Variants in FABP12 observed in about 807,000 individuals in gnomAD.
The protein encoded by FABP12 is fatty acid-binding protein 12.
A neutral mutation model predicts 13.7 loss-of-function variants in FABP12; 19 were observed. The observed-to-expected ratio is 1.39, with a 90% CI of 0.97 to 2.04. The LOEUF is 2.04. Ranked by LOEUF, FABP12 falls within the 30% of genes most tolerant of loss-of-function variation. FABP12 has a pLI of 0.00. For missense variants in FABP12, 182 were observed against 164.2 expected (o/e 1.11, Z -0.59); for synonymous variants, 61 against 57.0 (o/e 1.07, Z -0.32).
At chr8:81,561,543 T>C (rs543895221) in intron 1 of FABP12, among the ~76,000 whole-genome samples, 4 of 152,262 alleles carry the variant, frequency 2.6e-5, no homozygotes, top group Non-Finnish European at 4.4e-5. Flanking sequence ...CAGTATCTGG[T>C]TTTAACTTCA....
intron 1 of FABP12, among the ~76,000 whole-genome samples, chr8:81,558,560 T>C (rs1346721779): frequency 6.6e-6 from 1 of 151,956 alleles, no homozygotes; most frequent in Non-Finnish European, 1.5e-5. Context: ...CCCTCAGGGG[T>C]CACATAGCCG....
At chr8:81,584,524 A>G (rs1413040799) in intron 1 of FABP12, among the ~76,000 whole-genome samples, 1 of 152,238 alleles carries the variant, frequency 6.6e-6, no homozygotes, top group African/African-American at 2.4e-5. Context: ...AAGAGCTACT[A>G]GGAATTCACA....
chr8:81,537,246 G>A (rs1585839475), upstream of FABP12, among the ~76,000 whole-genome samples: 1 of 152,122 alleles, frequency 6.6e-6, no homozygotes, highest in Non-Finnish European at 1.5e-5. Flanking sequence ...AGAAAGATAC[G>A]AGAATCAAAA....
At chr8:81,567,361 G>A (rs539022391) in intron 1 of FABP12, among the ~76,000 whole-genome samples, 154 of 152,264 alleles carry the variant, frequency 1.0e-3, no homozygotes, top group African/African-American at 3.7e-3. Flanking sequence ...AAGCAAGCCT[G>A]AGCAAAAAGA....
At chr8:81,575,527 G>A (rs61042753) in intron 1 of FABP12, among the ~76,000 whole-genome samples, 7,347 of 152,200 alleles carry the variant, frequency 0.048, 222 homozygotes, top group East Asian at 0.16. Context: ...CTGTCTTGAT[G>A]ACCTGTCTAG....
intron 1 of FABP12, among the ~76,000 whole-genome samples, chr8:81,575,625 CTT>C (rs1810028069): frequency 6.6e-6 from 1 of 152,144 alleles, no homozygotes; most frequent in Non-Finnish European, 1.5e-5. Flanking sequence ...GTTTTATAAA[CTT>C]GGGAGCTCCA....
At chr8:81,549,405 A>G (rs1241667452) in intron 1 of FABP12, among the ~76,000 whole-genome samples, 3 of 152,204 alleles carry the variant, frequency 2.0e-5, no homozygotes, top group Admixed American at 1.3e-4. Flanking sequence ...GAAGTTTTCA[A>G]ATAAACCAAG....
chr8:81,581,998 A>C (rs896021862), intron 1 of FABP12, among the ~76,000 whole-genome samples: 4 of 152,210 alleles, frequency 2.6e-5, no homozygotes, highest in Non-Finnish European at 4.4e-5. Flanking sequence ...AAAAAACAAA[A>C]AATAAACAAA....
At chr8:81,564,109 C>T (rs145612291) in intron 1 of FABP12, among the ~76,000 whole-genome samples, 23 of 152,008 alleles carry the variant, frequency 1.5e-4, no homozygotes, top group Non-Finnish European at 2.9e-4. Flanking sequence ...CAGTGGAAAC[C>T]TTACAAGGCC....
chr8:81,531,139 A>G, intron 2 of FABP12, 104 bp downstream of exon 2: 1 of 759,350 alleles, frequency 1.3e-6, no homozygotes, highest in Non-Finnish European at 2.2e-6. Flanking sequence ...TCCTATGTGA[A>G]AAATTAGGGA....
chr8:81,549,462 C>T (rs1809492327), intron 1 of FABP12, among the ~76,000 whole-genome samples: 1 of 152,176 alleles, frequency 6.6e-6, no homozygotes, highest in East Asian at 1.9e-4. Context: ...ACAGACAGAG[C>T]AAACACCAGT....
At chr8:81,537,057 G>A (rs1809239372), upstream of FABP12, among the ~76,000 whole-genome samples, 1 of 144,000 alleles carries the variant, frequency 6.9e-6, no homozygotes, top group African/African-American at 2.9e-5. Flanking sequence ...GAAGAATGGT[G>A]GATACCATTT....
intron 1 of FABP12, among the ~76,000 whole-genome samples, chr8:81,562,836 C>G (rs2043469398): frequency 6.6e-6 from 1 of 152,192 alleles, no homozygotes; most frequent in Non-Finnish European, 1.5e-5. Context: ...TGCACAGGAT[C>G]CGGGGGAACT....
intron 1 of FABP12, chr8:81,533,114 T>C (rs1267243064): frequency 2.6e-5 from 4 of 152,166 alleles, no homozygotes; most frequent in Non-Finnish European, 4.4e-5. Context: ...GGAGCGGTGT[T>C]TTTCCCTGTT....
At chr8:81,545,023 T>C (rs1209718960) in intron 1 of FABP12, among the ~76,000 whole-genome samples, 1 of 152,140 alleles carries the variant, frequency 6.6e-6, no homozygotes, top group African/African-American at 2.4e-5. Flanking sequence ...AGAGGTTGGG[T>C]AACTCTTTTT....
At chr8:81,532,776 G>T (rs145911030) in intron 1 of FABP12, 1 of 152,576 alleles carries the variant, frequency 6.6e-6, no homozygotes, top group African/African-American at 2.4e-5. Flanking sequence ...AGCCAAGATC[G>T]TGCCACTGCA....
intron 1 of FABP12, among the ~76,000 whole-genome samples, chr8:81,545,181 C>T (rs570523611): frequency 4.6e-5 from 7 of 152,182 alleles, no homozygotes; most frequent in South Asian, 2.1e-4. Context: ...CCACCATGCC[C>T]GACTAGAGGT....
At chr8:81,569,964 T>C (rs770911388) in intron 1 of FABP12, among the ~76,000 whole-genome samples, 2 of 152,180 alleles carry the variant, frequency 1.3e-5, no homozygotes, top group Admixed American at 6.5e-5. Flanking sequence ...ATCCCAAGTC[T>C]CCAAGATAGA....
At chr8:81,577,158 T>C (rs1029050620) in intron 1 of FABP12, among the ~76,000 whole-genome samples, 1 of 152,232 alleles carries the variant, frequency 6.6e-6, no homozygotes, top group Non-Finnish European at 1.5e-5. Flanking sequence ...AATACATCTA[T>C]AGGGTATATT....
Sources: allele counts gnomAD v4.1 joint callset (sites outside exome capture counted in the v4.1 genomes callset), GRCh38; gene constraint gnomAD v4.1.1; transcripts MANE v1.5; gene names NCBI Gene and HGNC (gene_info 2026-07-23, HGNC 2026-07-21).